The following HCRTR2 variants were observed in gnomAD, a reference collection of about 807,000 sequenced individuals.
HCRTR2 encodes orexin receptor type 2.
In HCRTR2, 22 loss-of-function variants were observed where a neutral mutation model predicts 49.0. The ratio of observed to expected loss-of-function variants is 0.45; its 90% CI spans 0.32 to 0.64. The LOEUF is 0.64. Among genes scored for constraint, HCRTR2 ranks in the 30% least tolerant of loss-of-function variants. HCRTR2 has a pLI of 0.04. For missense variants in HCRTR2, 491 were observed against 559.4 expected (o/e 0.88, Z 1.23); for synonymous variants, 236 against 205.3 (o/e 1.15, Z -1.28).
chr6:55,278,573 G>A (rs1767124219), intron 5 of HCRTR2, among the ~76,000 whole-genome samples: 1 of 151,984 alleles, frequency 6.6e-6, no homozygotes, highest in African/African-American at 2.4e-5. Context: ...AAGAAATGGA[G>A]AACAAACTTC....
At chr6:55,190,188 T>G (rs1765292274) in intron 1 of HCRTR2, among the ~76,000 whole-genome samples, 6 of 152,230 alleles carry the variant, frequency 3.9e-5, no homozygotes, top group Admixed American at 3.9e-4. Context: ...TCAAAAAATA[T>G]TTATTGTGTG....
At chr6:55,263,202 G>A (rs1292165733) in intron 3 of HCRTR2, among the ~76,000 whole-genome samples, 1 of 151,906 alleles carries the variant, frequency 6.6e-6, no homozygotes, top group African/African-American at 2.4e-5. Flanking sequence ...ATTTGTATTT[G>A]GAGATACAAC....
chr6:55,126,943 T>G (rs1214848783), intron 1 of HCRTR2, among the ~76,000 whole-genome samples: 1 of 152,098 alleles, frequency 6.6e-6, no homozygotes, highest in Admixed American at 6.5e-5. Context: ...CCCAGGTTGA[T>G]CTCAGACTGC....
At chr6:55,239,124 A>G (rs1766270883) in intron 1 of HCRTR2, among the ~76,000 whole-genome samples, 1 of 152,174 alleles carries the variant, frequency 6.6e-6, no homozygotes, top group African/African-American at 2.4e-5. Context: ...CTCCAAAACA[A>G]ATTTTCCTGG....
Position 55,107,656 on chromosome 6 carries a change from A to C in HCRTR2, c.-378+1111A>C, listed in dbSNP as rs1415810792. On this transcript the variant is annotated intron_variant, in intron 1 of 7. Transcript: ENST00000615358. ...TTGTTGCAAAAATAATAGTTTCACA[A>C]AATGTTTGACTTGCTTCAGTTTCCT... Among the ~76,000 whole-genome samples, 3 of 151,550 alleles carry C rather than the reference A, an allele frequency of 2.0e-5. No homozygotes were observed. The East Asian group carries it at 5.8e-4, about 29-fold the overall frequency.
chr6:55,272,952 G>A (rs190299082), intron 4 of HCRTR2, among the ~76,000 whole-genome samples: 1 of 151,086 alleles, frequency 6.6e-6, no homozygotes, highest in Admixed American at 6.6e-5. Flanking sequence ...GGCATAGTGA[G>A]AAGATCAGTT....
intron 1 of HCRTR2, among the ~76,000 whole-genome samples, chr6:55,203,437 A>G (rs187336212): frequency 2.6e-5 from 4 of 152,294 alleles, no homozygotes; most frequent in Admixed American, 6.5e-5. Flanking sequence ...AGGGGTTGGT[A>G]AAATAAAGAC....
At chr6:55,231,276 A>G (rs1420627963) in intron 1 of HCRTR2, among the ~76,000 whole-genome samples, 1 of 152,178 alleles carries the variant, frequency 6.6e-6, no homozygotes, top group Non-Finnish European at 1.5e-5. Flanking sequence ...ACCAGAAAAA[A>G]TTTCAATATC....
At chr6:55,223,731 T>C (rs1008308295) in intron 1 of HCRTR2, among the ~76,000 whole-genome samples, 46 of 152,150 alleles carry the variant, frequency 3.0e-4, no homozygotes, top group Admixed American at 1.0e-3. Flanking sequence ...TGTAGGTTGA[T>C]TTAAAAATCT....
chr6:55,227,641 T>G (rs1251596889), intron 1 of HCRTR2, among the ~76,000 whole-genome samples: 1 of 152,178 alleles, frequency 6.6e-6, no homozygotes, highest in Non-Finnish European at 1.5e-5. Flanking sequence ...GAAAACTGTA[T>G]CAGTCTGAGA....
intron 1 of HCRTR2, among the ~76,000 whole-genome samples, chr6:55,237,228 T>G (rs907439092): frequency 1.3e-5 from 2 of 152,154 alleles, no homozygotes; most frequent in African/African-American, 2.4e-5. Flanking sequence ...TCTGAAATAT[T>G]TTATGAAAAA....
intron 1 of HCRTR2, among the ~76,000 whole-genome samples, chr6:55,125,066 A>T (rs985656720): frequency 6.6e-6 from 1 of 151,846 alleles, no homozygotes; most frequent in Non-Finnish European, 1.5e-5. Context: ...CTCTTTATCC[A>T]ATTTGCCAGC....
In HCRTR2 at chr6:55,212,056, A is replaced by G. The variant is rs1458787398; in HGVS notation, c.224-36583A>G. 2.6e-5 allele frequency among the ~76,000 whole-genome samples: 4 copies of G among 152,340 alleles called. No individual in the cohort carries two copies. The East Asian group carries it at 7.7e-4, about 29-fold the overall frequency. On this transcript the variant is annotated intron_variant, in intron 1 of 6. Transcript: ENST00000370862. ...AAGTGTTACATTAATAAACACACAC[A>G]CATACATACAAAGAAATACCTGTCT...
At chr6:55,164,085 C>T (rs931057169) in intron 1 of HCRTR2, among the ~76,000 whole-genome samples, 2 of 152,152 alleles carry the variant, frequency 1.3e-5, no homozygotes, top group Non-Finnish European at 2.9e-5. Context: ...TACCATCTCA[C>T]TCCAGTTAGA....
intron 4 of HCRTR2, among the ~76,000 whole-genome samples, chr6:55,272,019 C>A (rs919231401): frequency 1.3e-5 from 2 of 152,010 alleles, no homozygotes; most frequent in Non-Finnish European, 2.9e-5. Context: ...GTTATAGACC[C>A]AGAGAACTGA....
rs1259211741 is a variant in HCRTR2, at chr6:55,255,178, G to T, written c.445G>T (p.Ala149Ser). ...SVSVLTLSCI[A>S]LDRWYAICHP... ...GTCTGTCCTCACACTGAGCTGTATC[G>T]CCTTGGATCGGTGGTATGCAATCTG... is the stretch of plus-strand genomic sequence containing the variant. The change falls in exon 3 of 7, where the codon GCC becomes TCC. Residue 149 changes from alanine to serine, a missense_variant. By Grantham distance (99) the Ala-to-Ser change is moderately conservative (BLOSUM62 1). Transcript: ENST00000370862. 8 of 1,613,806 alleles carry T rather than the reference G, an allele frequency of 5.0e-6. No individual in the cohort carries two copies. Among genetic ancestry groups the T allele is most frequent in the Non-Finnish European group, 6.8e-6 (8 of 1,179,904 alleles).
At chr6:55,264,002 G>A in intron 4 of HCRTR2, 180 bp downstream of exon 4, 1 of 593,986 alleles carries the variant, frequency 1.7e-6, no homozygotes, top group East Asian at 3.0e-5. Context: ...TTCTTTTAAA[G>A]TAATGAGAAC....
chr6:55,267,429 C>A (rs1294531558), intron 4 of HCRTR2, among the ~76,000 whole-genome samples: 2 of 112,936 alleles, frequency 1.8e-5, no homozygotes, highest in African/African-American at 7.3e-5. Context: ...TTTGGCAATT[C>A]GACTCAGAGT....
At chr6:55,173,900 A>G (rs1764987919), upstream of HCRTR2, among the ~76,000 whole-genome samples, 1 of 152,220 alleles carries the variant, frequency 6.6e-6, no homozygotes, top group African/African-American at 2.4e-5. Context: ...ATGTTAAAAT[A>G]AGTTTATATT....
Sources: gnomAD v4.1 joint callset for allele counts (sites outside exome capture counted in the v4.1 genomes callset) on GRCh38, gnomAD v4.1.1 for gene constraint, MANE v1.5 for transcripts, NCBI Gene and HGNC (gene_info 2026-07-23, HGNC 2026-07-21) for gene names.